AKAP7: variants seen among roughly 807,000 people sequenced by gnomAD.
AKAP7 encodes A kinase (PRKA) anchor protein 7.
AKAP7 carries 39 observed loss-of-function variants against 39.5 expected under a neutral mutation model. The observed-to-expected ratio is 0.99, with a 90% CI of 0.76 to 1.29. The LOEUF (loss-of-function observed/expected upper bound fraction) is 1.29, where lower values mean the gene tolerates loss of function less well. AKAP7 is among the 50% of genes most tolerant of loss of function. The pLI is 0.00. For missense variants in AKAP7, 414 were observed against 407.7 expected, an observed-to-expected ratio of 1.02 and a Z score of -0.13; for synonymous variants, 140 against 139.1, an observed-to-expected ratio of 1.01 and a Z score of -0.05.
At chr6:131,189,089 A>G (rs1234467578) in intron 5 of AKAP7, among the ~76,000 whole-genome samples, 2 of 152,192 alleles carry the variant, frequency 1.3e-5, no homozygotes, top group African/African-American at 2.4e-5. Flanking sequence ...ACAACACACT[A>G]TAGAGTGTTT....
intron 1 of AKAP7, among the ~76,000 whole-genome samples, chr6:131,142,435 G>A (rs1288376762): frequency 1.3e-5 from 2 of 152,234 alleles, no homozygotes; most frequent in Non-Finnish European, 2.9e-5. Context: ...GGTCACTTTG[G>A]AGAGCACAAG....
At chr6:131,239,489 T>C (rs965134940) in intron 7 of AKAP7, among the ~76,000 whole-genome samples, 14 of 152,212 alleles carry the variant, frequency 9.2e-5, no homozygotes, top group Admixed American at 8.5e-4. Flanking sequence ...CTGGATAATA[T>C]CCTGCAGAGT....
upstream of AKAP7, among the ~76,000 whole-genome samples, chr6:131,133,923 G>A (rs1428081717): frequency 1.3e-5 from 2 of 152,158 alleles, no homozygotes; most frequent in African/African-American, 4.8e-5. Flanking sequence ...TTGTTATGCA[G>A]GTAAGACTCA....
Position 131,282,680 on chromosome 6 carries a change from A to T in AKAP7, c.*954A>T. On this transcript the variant is annotated 3_prime_UTR_variant, in exon 8 of 8. Transcript: ENST00000431975. ...TTAAGTAGCTCTTTGGTAAACACCA[A>T]AGAAGTTTCTGATAGTGTCTGCACA... 2 of 1,290,832 alleles carry T rather than the reference A, an allele frequency of 1.5e-6. No individual in the cohort carries two copies. Among genetic ancestry groups the T allele is most frequent in the Non-Finnish European group, 2.1e-6 (2 of 949,440 alleles). 80.0% of individuals were successfully genotyped at this position (1,290,832 alleles called of 1,614,324 possible).
chr6:131,157,704 A>G lies in AKAP7; in HGVS notation c.152-2355A>G, dbSNP rs189948079. Among the ~76,000 whole-genome samples, 27 of 152,326 alleles carry G rather than the reference A, an allele frequency of 1.8e-4. No individual in the cohort carries two copies. The East Asian group carries it at 5.2e-3, about 29-fold the overall frequency. ...AACACAGATAAAAATGCTACAAACT[A>G]TTTCTTAGTAATAAAATCTGTAAAG... On this transcript the variant is annotated intron_variant, in intron 2 of 7. Transcript: ENST00000431975.
chr6:131,135,047 T>C (rs1368860804), upstream of AKAP7, among the ~76,000 whole-genome samples: 4 of 152,196 alleles, frequency 2.6e-5, no homozygotes, highest in Admixed American at 2.6e-4. Context: ...TTGTCACAAT[T>C]TGCAGTTTTT....
At chr6:131,250,674 C>A in intron 7 of AKAP7, 1 of 1,563,894 alleles carries the variant, frequency 6.4e-7, no homozygotes, top group Non-Finnish European at 8.8e-7. Flanking sequence ...GTGCGGTTGT[C>A]TTCTAGGGGT....
chr6:131,270,691 A>G lies in AKAP7; in HGVS notation c.851-10839A>G, dbSNP rs565815290. Among the ~76,000 whole-genome samples, 6 of 152,340 alleles carry G rather than the reference A, an allele frequency of 3.9e-5. No individual in the cohort carries two copies. The East Asian group carries it at 1.2e-3, about 29-fold the overall frequency. On this transcript the variant is annotated intron_variant, in intron 7 of 7. Transcript: ENST00000431975. ...CTATTACCATTTTTGCATTCCCACC[A>G]GCAATAGGAGTTCCAGTTGCTTCAC... is the stretch of plus-strand genomic sequence containing the variant.
chr6:131,153,152 A>G (rs1802093409), intron 2 of AKAP7, among the ~76,000 whole-genome samples: 1 of 150,812 alleles, frequency 6.6e-6, no homozygotes, highest in South Asian at 2.1e-4. Context: ...AAAGAGAGAG[A>G]GAGATTGGGC....
chr6:131,138,046 T>A (rs73633154), intron 1 of AKAP7, among the ~76,000 whole-genome samples: 1 of 152,122 alleles, frequency 6.6e-6, no homozygotes, highest in Non-Finnish European at 1.5e-5. Context: ...TTCGTTTAAC[T>A]GTTTCCCTAT....
intron 7 of AKAP7, among the ~76,000 whole-genome samples, chr6:131,280,293 C>T (rs533568311): frequency 6.6e-6 from 1 of 152,194 alleles, no homozygotes; most frequent in East Asian, 1.9e-4. Flanking sequence ...GGGTCTTATC[C>T]TACCCTCTCT....
the AKAP7 span, among the ~76,000 whole-genome samples, chr6:131,127,649 G>A: frequency 6.6e-6 from 1 of 152,180 alleles, no homozygotes; most frequent in Non-Finnish European, 1.5e-5. Flanking sequence ...TAACAAACTA[G>A]GGGAAATGTT....
intron 7 of AKAP7, among the ~76,000 whole-genome samples, chr6:131,279,218 C>T (rs1478478135): frequency 2.0e-5 from 3 of 152,084 alleles, no homozygotes; most frequent in Admixed American, 2.0e-4. Flanking sequence ...TTGACTGCCT[C>T]GAATAATAGT....
chr6:131,219,289 C>CA (rs755215493), intron 6 of AKAP7, among the ~76,000 whole-genome samples: 2,293 of 72,458 alleles, frequency 0.032, 31 homozygotes, highest in Middle Eastern at 0.096. Context: ...CACTCCATTT[C>CA]AAAAAAAAAA....
chr6:131,269,541 T>A (rs1293628978), intron 7 of AKAP7, among the ~76,000 whole-genome samples: 1 of 152,072 alleles, frequency 6.6e-6, no homozygotes, highest in African/African-American at 2.4e-5. Flanking sequence ...ACATATGATA[T>A]GGAATAGCAA....
chr6:131,218,648 A>G (rs1240494068), intron 6 of AKAP7, among the ~76,000 whole-genome samples: 1 of 152,224 alleles, frequency 6.6e-6, no homozygotes, highest in Non-Finnish European at 1.5e-5. Flanking sequence ...GCCATTGTAT[A>G]GTATAGCAGA....
chr6:131,145,371 G>A lies in AKAP7; in HGVS notation c.106G>A (p.Val36Ile), dbSNP rs2128227356. The A allele has an allele frequency of 1.3e-6, 2 of 1,568,046 alleles. No individual in the cohort carries two copies. The highest frequency in any genetic ancestry group is 1.2e-5 in the South Asian group (1 of 81,826). The change falls in exon 2 of 8, where the codon GTA becomes ATA. Residue 36 changes from valine to isoleucine, a missense_variant. Coordinates refer to ENST00000431975, the MANE Select transcript of AKAP7 (RefSeq NM_016377.4). ...EFEANTMDSL[V>I]DMPFATVDIQ... ...TGAAGCCAATACTATGGATTCTCTG[G>A]TAGACATGCCATTTGCTACTGTAGA...
chr6:131,147,218 T>G (rs1390260225), intron 2 of AKAP7, among the ~76,000 whole-genome samples: 1 of 152,222 alleles, frequency 6.6e-6, no homozygotes, highest in Non-Finnish European at 1.5e-5. Flanking sequence ...AGGGAATCTT[T>G]TTGTTTAAAA....
chr6:131,194,470 A>C (rs926013339), intron 5 of AKAP7, among the ~76,000 whole-genome samples: 1 of 152,110 alleles, frequency 6.6e-6, no homozygotes, highest in African/African-American at 2.4e-5. Flanking sequence ...ATTCTTGAGA[A>C]GGATTCATGT....
Sources: allele counts gnomAD v4.1 joint callset (sites outside exome capture counted in the v4.1 genomes callset), GRCh38; gene constraint gnomAD v4.1.1; transcripts MANE v1.5; gene names NCBI Gene and HGNC (gene_info 2026-07-23, HGNC 2026-07-21).